SLC22A23: variants seen among roughly 807,000 people sequenced by gnomAD.
SLC22A23 encodes the protein ion transporter protein.
SLC22A23 carries 26 observed loss-of-function variants against 61.0 expected under a neutral mutation model. That is an observed-to-expected ratio of 0.43 (90% CI 0.31 to 0.59). The LOEUF is 0.59. SLC22A23 is among the 20% of genes least tolerant of loss of function. The probability of loss-of-function intolerance (pLI) is 0.11; values close to 1 mark genes in which losing one functional copy is unlikely to be tolerated. For missense variants in SLC22A23, 796 were observed against 934.7 expected, an observed-to-expected ratio of 0.85 and a Z score of 1.94; for synonymous variants, 430 against 413.9, an observed-to-expected ratio of 1.04 and a Z score of -0.47.
chr6:3,283,680 T>C, intron 9 of SLC22A23, 172 bp downstream of exon 9: 1 of 1,135,218 alleles, frequency 8.8e-7, no homozygotes, highest in Non-Finnish European at 1.2e-6. Flanking sequence ...CACTGCCTCT[T>C]GGGCGCCTCG....
intron 4 of SLC22A23, among the ~76,000 whole-genome samples, chr6:3,320,187 G>T (rs1357892288): frequency 1.3e-5 from 2 of 152,152 alleles, no homozygotes; most frequent in African/African-American, 4.8e-5. Flanking sequence ...TTCCCTCCTT[G>T]GTTTGACACC....
In SLC22A23 at chr6:3,329,772, G is replaced by T. The variant is rs1196622669; in HGVS notation, c.914-5770C>A. Among the ~76,000 whole-genome samples, 6 of 152,176 alleles carry T rather than the reference G, an allele frequency of 3.9e-5. No individual in the cohort carries two copies. The highest frequency in any genetic ancestry group is 3.9e-4 in the Admixed American group (6 of 15,280). On this transcript the variant is annotated intron_variant, in intron 3 of 9. Transcript: ENST00000406686. This position sits in a 1 kb window ranked among gnomAD's most constrained non-coding sequence, Gnocchi z 4.8. The stretch of plus-strand genomic sequence containing the variant: ...ACGGAAGGCTTCCTATGTGTCGCTG[G>T]CCTCACAGACATGAGGCCACCCTGC...
intron 3 of SLC22A23, among the ~76,000 whole-genome samples, chr6:3,335,982 G>A (rs573746875): frequency 2.6e-5 from 4 of 152,150 alleles, no homozygotes; most frequent in South Asian, 2.1e-4. Flanking sequence ...CCAGTTACTC[G>A]GGAGGCTGAG....
intron 4 of SLC22A23, chr6:3,312,825 A>G (rs1762437493): frequency 6.6e-6 from 1 of 152,372 alleles, no homozygotes; most frequent in South Asian, 2.1e-4. Flanking sequence ...CACAAAGTGC[A>G]CACACGTGCA....
rs189203391 is a variant in SLC22A23, at chr6:3,381,178, A to T, written c.913+29010T>A. Among the ~76,000 whole-genome samples the T allele has an allele frequency of 1.1e-3, 174 of 152,098 alleles. 1 individual carries two copies. The Middle Eastern group carries it at 0.02, about 18-fold the overall frequency. On this transcript the variant is annotated intron_variant, in intron 3 of 9. Coordinates refer to ENST00000406686, the MANE Select transcript of SLC22A23 (RefSeq NM_015482.2). ...GAGAACCATCAAAAGGACTAACTGA[A>T]GTCCCTTCCCGTGGCTATCTCTCTG...
rs536439809 is a variant in SLC22A23 at position 3,302,163 on chromosome 6, G to A, written c.1083-3945C>T. Among the ~76,000 whole-genome samples the A allele has an allele frequency of 1.1e-4, 16 of 152,254 alleles. 1 individual carries two copies. The South Asian group carries it at 3.3e-3, about 32-fold the overall frequency. On this transcript the variant is annotated intron_variant, in intron 4 of 9. Transcript: ENST00000406686. ...TTCTATTTCCTCTTGGCTCAATCAT[G>A]GTAGGTTGTATGTGTCAGGAATTTA...
intron 1 of SLC22A23, among the ~76,000 whole-genome samples, chr6:3,416,574 C>T (rs531458327): frequency 1.4e-4 from 22 of 152,296 alleles, no homozygotes; most frequent in African/African-American, 5.1e-4. Context: ...TTCTTTTCTC[C>T]ACTTGCAGGA....
rs888693337 is a variant in SLC22A23, at chr6:3,284,143, C to G, written c.1580-168G>C. 6.6e-6 allele frequency: 4 copies of G among 607,882 alleles called. No homozygotes were observed. In the African/African-American group the frequency reaches 7.5e-5, roughly 11 times the overall value. The allele number at this position is 607,882 out of a possible 1,614,324, so 37.7% of individuals were successfully genotyped here. On this transcript the variant is annotated intron_variant, in intron 8 of 9. Transcript: ENST00000406686. ...AGCAGCACCTCAAGGACTAGAAGCC[C>G]AGAGCCCCTGCAGTGGGTTTTGTGG...
intron 9 of SLC22A23, chr6:3,282,303 C>T: frequency 1.4e-6 from 1 of 702,610 alleles, no homozygotes; most frequent in East Asian, 2.7e-5. Context: ...GCTCCTGACT[C>T]ATCTCTCCCC....
In SLC22A23 at chr6:3,286,693, C is replaced by G. The variant is rs757633064; in HGVS notation, c.1546+166G>C. 6.6e-6 allele frequency among the ~76,000 whole-genome samples: 1 copy of G among 152,214 alleles called. No individual in the cohort carries two copies. The highest frequency in any genetic ancestry group is 1.5e-5 in the Non-Finnish European group (1 of 68,046). The stretch of plus-strand genomic sequence containing the variant: ...CGGGAAGGCCCAGTGCCCTCTAAGG[C>G]GGGCTCCACAGATGCTCTCAACTGA... On this transcript the variant is annotated intron_variant, in intron 7 of 9. Transcript: ENST00000406686. The surrounding 1 kb of genome is among the most constrained non-coding windows in gnomAD (Gnocchi z 4.2).
At chr6:3,406,396 A>G (rs772856467) in intron 3 of SLC22A23, among the ~76,000 whole-genome samples, 2 of 152,224 alleles carry the variant, frequency 1.3e-5, no homozygotes. Context: ...ACGTCCGCCT[A>G]TGCTGAGAAG....
chr6:3,355,152 CT>C (rs780133231), intron 3 of SLC22A23, among the ~76,000 whole-genome samples: 24 of 151,588 alleles, frequency 1.6e-4, no homozygotes, highest in Non-Finnish European at 3.4e-4. Flanking sequence ...TTGGAAACAG[CT>C]CCCTGTCTTT....
chr6:3,291,705 T>C (rs1040455918), intron 5 of SLC22A23: 12 of 152,240 alleles, frequency 7.9e-5, no homozygotes, highest in African/African-American at 2.9e-4. Flanking sequence ...AATATCATGG[T>C]TAACAGAAAA....
Position 3,272,223 on chromosome 6 carries a change from G to C in SLC22A23, c.*832C>G, listed in dbSNP as rs1758519556. The C allele has an allele frequency of 6.5e-6, 1 of 152,672 alleles. No homozygotes were observed. Among genetic ancestry groups the C allele is most frequent in the African/African-American group, 2.4e-5 (1 of 41,434 alleles). 9.5% of individuals were successfully genotyped at this position (152,672 alleles called of 1,614,324 possible). ...AGTAGTGCCGGCACAAGAGCTGCCT[G>C]TGCACGAGGGACTTTTCTGCTGGAG... On this transcript the variant is annotated 3_prime_UTR_variant, in exon 10 of 10. Transcript: ENST00000406686.
intron 3 of SLC22A23, among the ~76,000 whole-genome samples, chr6:3,375,721 C>A (rs1766521391): frequency 1.3e-5 from 2 of 152,110 alleles, no homozygotes; most frequent in Admixed American, 6.5e-5. Flanking sequence ...TGCAATTGGC[C>A]CCCTTCCAGT....
At position 3,385,063 on chromosome 6, in the gene SLC22A23, G is replaced by A. The variant is rs144014185; in HGVS notation, c.913+25125C>T. Among the ~76,000 whole-genome samples the A allele has an allele frequency of 6.6e-5, 10 of 152,250 alleles. No individual in the cohort carries two copies. In the East Asian group the frequency reaches 1.5e-3, roughly 23 times the overall value. ...CCATAGAGACAGAAAGGAGAACGGC[G>A]GTTACCAAGGGCTGGGGAGAGGAGG... On this transcript the variant is annotated intron_variant, in intron 3 of 9. Transcript: ENST00000406686.
rs1270324081 is a variant in SLC22A23, at chr6:3,286,841, C to T, written c.1546+18G>A. 1 of 1,569,692 alleles carries T rather than the reference C, an allele frequency of 6.4e-7. No individual in the cohort carries two copies. The highest frequency in any genetic ancestry group is 1.2e-5 in the South Asian group (1 of 86,090). The stretch of plus-strand genomic sequence containing the variant: ...AGCTTCCCTCCCTGCACCCAGCCCA[C>T]CTCCCCGACCCACTCACGGTTGAGG... On this transcript the variant is annotated intron_variant, in intron 7 of 9. Transcript: ENST00000406686. The surrounding 1 kb of genome is among the most constrained non-coding windows in gnomAD (Gnocchi z 4.2).
rs973341145 is a variant in SLC22A23 at position 3,414,704 on chromosome 6, A to G, written c.758+1048T>C. On this transcript the variant is annotated intron_variant, in intron 2 of 9. Coordinates refer to ENST00000406686, the MANE Select transcript of SLC22A23 (RefSeq NM_015482.2). This position sits in a 1 kb window ranked among gnomAD's most constrained non-coding sequence, Gnocchi z 5.1. ...TCTGGGCCCTTATTTCCTCAAGGCC[A>G]AGATGTCTCGATTCACCAAAAAAAA... is the stretch of plus-strand genomic sequence containing the variant. Among the ~76,000 whole-genome samples the G allele has an allele frequency of 6.8e-6, 1 of 147,456 alleles. No homozygotes were observed. Among genetic ancestry groups the G allele is most frequent in the Non-Finnish European group, 1.5e-5 (1 of 67,280 alleles).
chr6:3,431,598 T>C (rs934318351), intron 1 of SLC22A23, among the ~76,000 whole-genome samples: 1 of 152,212 alleles, frequency 6.6e-6, no homozygotes, highest in Non-Finnish European at 1.5e-5. Context: ...ATCTCTTAGC[T>C]AAAATTAGCT....
Sources: allele counts gnomAD v4.1 joint callset (sites outside exome capture counted in the v4.1 genomes callset), GRCh38; gene constraint gnomAD v4.1.1; non-coding constraint Gnocchi (gnomAD v3.1); transcripts MANE v1.5; gene names NCBI Gene and HGNC (gene_info 2026-07-23, HGNC 2026-07-21).